The following KATNIP variants were observed in gnomAD, a reference collection of about 807,000 sequenced individuals.
KATNIP encodes katanin-interacting protein.
In KATNIP, 126 loss-of-function variants were observed where a neutral mutation model predicts 174.0. The ratio of observed to expected loss-of-function variants is 0.72; its 90% CI spans 0.63 to 0.84. The LOEUF (loss-of-function observed/expected upper bound fraction) is 0.84. KATNIP is among the 40% of genes least tolerant of loss of function. The pLI, the probability that KATNIP is intolerant of heterozygous loss-of-function variation, is 0.00. For synonymous variants in KATNIP, 810 were observed against 835.7 expected (o/e 0.97, Z 0.53); for missense variants, 1,958 against 2,109.7 (o/e 0.93, Z 1.41).
rs2082377692 is a variant in KATNIP, at chr16:27,773,299, GA to G, written c.4309+93del. ...GGGGCAGAAGCCTTGTGTGCAGAGGGAAATGGCCCTCTAGGAACCAGAGCCC... is the reference window on the plus strand; with the variant it reads ...GGGGCAGAAGCCTTGTGTGCAGAGGGAATGGCCCTCTAGGAACCAGAGCCC... On this transcript the variant is annotated intron_variant, in intron 23 of 27. Coordinates refer to ENST00000261588, the MANE Select transcript of KATNIP (RefSeq NM_015202.5). The G allele has an allele frequency of 3.5e-6, 3 of 849,226 alleles. No individual in the cohort carries two copies. The East Asian group carries it at 8.1e-5, about 23-fold the overall frequency. The allele number at this position is 849,226 out of a possible 1,614,324, so 52.6% of individuals were successfully genotyped here. A position where few individuals can be genotyped will look rare whatever the true frequency, so the allele number is the denominator to read the frequency against.
intron 2 of KATNIP, among the ~76,000 whole-genome samples, chr16:27,608,234 T>G (rs2075772222): frequency 7.0e-6 from 1 of 143,676 alleles, no homozygotes; most frequent in Non-Finnish European, 1.5e-5. Context: ...TTCTTTTTTT[T>G]TTTTTTTTTT....
intron 23 of KATNIP, 81 bp from the exon 24 acceptor site, chr16:27,774,864 C>A: frequency 6.4e-7 from 1 of 1,556,244 alleles, no homozygotes; most frequent in South Asian, 1.1e-5. Flanking sequence ...CAGAGTCCCC[C>A]GAGCCACGCC....
intron 15 of KATNIP, among the ~76,000 whole-genome samples, chr16:27,745,957 CTTTTTTTTTTT>C (rs759181249): frequency 2.2e-5 from 2 of 92,096 alleles, no homozygotes; most frequent in South Asian, 3.8e-4. Context: ...AACTCCTCTG[CTTTTTTTTTTT>C]TTTTTTTTTT....
chr16:27,599,124 C>T (rs763419273), intron 2 of KATNIP, among the ~76,000 whole-genome samples: 6 of 152,208 alleles, frequency 3.9e-5, no homozygotes, highest in Non-Finnish European at 8.8e-5. Flanking sequence ...CAGCCACTGC[C>T]TTTGATAATG....
chr16:27,761,242 G>A (rs936284714), intron 18 of KATNIP, among the ~76,000 whole-genome samples, 171 bp from the exon 19 acceptor site: 2 of 152,204 alleles, frequency 1.3e-5, no homozygotes, highest in African/African-American at 4.8e-5. Flanking sequence ...ACAGTGGCCT[G>A]GGCCCAAGGC....
intron 19 of KATNIP, 52 bp from the exon 20 acceptor site, chr16:27,766,257 C>G: frequency 2.5e-6 from 4 of 1,591,436 alleles, no homozygotes; most frequent in Non-Finnish European, 2.6e-6. Context: ...CACTGTGATG[C>G]CTCCTGTGCC....
chr16:27,669,369 C>A, intron 6 of KATNIP: 2 of 943,898 alleles, frequency 2.1e-6, no homozygotes, highest in South Asian at 4.9e-5. Context: ...CCGATCTCCA[C>A]CTGCGGTGTT....
intron 8 of KATNIP, 142 bp from the exon 9 acceptor site, chr16:27,698,186 C>G: frequency 2.3e-6 from 2 of 887,890 alleles, no homozygotes. Context: ...GAACCGTTTT[C>G]TTTGTCTTTT....
intron 2 of KATNIP, among the ~76,000 whole-genome samples, chr16:27,614,508 T>C (rs1040975633): frequency 6.6e-6 from 1 of 152,178 alleles, no homozygotes; most frequent in African/African-American, 2.4e-5. Flanking sequence ...AGGGTCTTGC[T>C]ATGTTGCCCA....
rs532436209 is a variant in KATNIP, at chr16:27,616,249, G to C, written c.64-2176G>C. On this transcript the variant is annotated intron_variant, in intron 2 of 27. Transcript: ENST00000261588. Reference sequence around the variant, plus strand: ...TAGCTGGGTGTGGTGGCACAAACCTGTGATCTCAGCTACTCAGGAGGCTGA... The same window carrying C: ...TAGCTGGGTGTGGTGGCACAAACCTCTGATCTCAGCTACTCAGGAGGCTGA... Among the ~76,000 whole-genome samples the C allele has an allele frequency of 5.3e-5, 8 of 152,260 alleles. No homozygotes were observed. In the East Asian group the frequency reaches 1.5e-3, roughly 29 times the overall value.
intron 5 of KATNIP, among the ~76,000 whole-genome samples, chr16:27,639,416 T>A (rs1336081168): frequency 1.3e-5 from 2 of 152,258 alleles, no homozygotes; most frequent in African/African-American, 2.4e-5. Flanking sequence ...GATTTATGGC[T>A]TCCTCAGCCT....
chr16:27,699,446 G>C (rs1597209978), intron 9 of KATNIP, 88 bp from the exon 10 acceptor site: 3 of 1,568,224 alleles, frequency 1.9e-6, no homozygotes, highest in South Asian at 2.4e-5. Context: ...GAAGGTCCCT[G>C]CCCTTTTCTG....
intron 2 of KATNIP, among the ~76,000 whole-genome samples, chr16:27,577,895 A>G (rs544815609): frequency 5.3e-5 from 8 of 152,216 alleles, no homozygotes; most frequent in Admixed American, 3.3e-4. Context: ...TTTTTAATAA[A>G]TAAAATAAAA....
At chr16:27,616,239 G>A (rs912435527) in intron 2 of KATNIP, among the ~76,000 whole-genome samples, 1 of 152,180 alleles carries the variant, frequency 6.6e-6, no homozygotes, top group Non-Finnish European at 1.5e-5. Context: ...GGGTGTGGTG[G>A]CACAAACCTG....
chr16:27,657,872 G>A (rs749472202), intron 6 of KATNIP, among the ~76,000 whole-genome samples: 1 of 152,026 alleles, frequency 6.6e-6, no homozygotes, highest in Non-Finnish European at 1.5e-5. Context: ...ATCATGCCAC[G>A]GCACTCCAGC....
chr16:27,656,124 T>G (rs2077274122), intron 6 of KATNIP, among the ~76,000 whole-genome samples: 1 of 150,966 alleles, frequency 6.6e-6, no homozygotes, highest in Admixed American at 6.6e-5. Flanking sequence ...TGGCCTGGAG[T>G]CTTCAGAAAT....
chr16:27,672,865 G>A lies in KATNIP; in HGVS notation c.541-4864G>A, dbSNP rs140500550. 2.7e-3 allele frequency among the ~76,000 whole-genome samples: 412 copies of A among 152,278 alleles called. 2 individuals are homozygous for A. Among genetic ancestry groups the A allele is most frequent in the East Asian group, 0.016 (81 of 5,194 alleles). ...CTCCTCAACTGACCATGGGTTCAAG[G>A]GTCCTAATGCCTCATCCAAATCCTT... On this transcript the variant is annotated intron_variant, in intron 6 of 27. Transcript: ENST00000261588.
At chr16:27,739,939 A>G in intron 14 of KATNIP, 102 bp from the exon 15 acceptor site, 2 of 1,298,182 alleles carry the variant, frequency 1.5e-6, no homozygotes, top group Non-Finnish European at 2.1e-6. Context: ...CATTTCTAGC[A>G]TTTCACATTT....
chr16:27,589,297 A>T (rs1304887271), intron 2 of KATNIP, among the ~76,000 whole-genome samples: 1 of 152,188 alleles, frequency 6.6e-6, no homozygotes, highest in Admixed American at 6.5e-5. Flanking sequence ...AGGGGTCAAC[A>T]AACTTTTTTC....
Sources: gnomAD v4.1 joint callset for allele counts (sites outside exome capture counted in the v4.1 genomes callset) on GRCh38, gnomAD v4.1.1 for gene constraint, MANE v1.5 for transcripts, NCBI Gene and HGNC (gene_info 2026-07-23, HGNC 2026-07-21) for gene names.